ZNF277: variants seen among roughly 807,000 people sequenced by gnomAD.
The protein encoded by ZNF277 is zinc finger protein 277, also known as nuclear receptor-interacting factor 4.
A neutral mutation model predicts 60.7 loss-of-function variants in ZNF277; 55 were observed. That is an observed-to-expected ratio of 0.91 (90% confidence interval 0.73 to 1.13). ZNF277 has a LOEUF of 1.13. ZNF277 is among the 50% of genes most tolerant of loss of function. The probability of loss-of-function intolerance (pLI) is 0.00; values close to 1 mark genes in which losing one functional copy is unlikely to be tolerated. For missense variants in ZNF277, 510 were observed against 523.0 expected (o/e 0.98, Z 0.24); for synonymous variants, 178 against 179.3 (o/e 0.99, Z 0.06).
At chr7:112,265,865 T>G (rs955280761) in intron 1 of ZNF277, among the ~76,000 whole-genome samples, 2 of 152,140 alleles carry the variant, frequency 1.3e-5, no homozygotes, top group Admixed American at 1.3e-4. Context: ...AGTATTACAT[T>G]GGTCACCCAA....
At chr7:112,236,719 C>G (rs570015835) in intron 1 of ZNF277, among the ~76,000 whole-genome samples, 2 of 152,152 alleles carry the variant, frequency 1.3e-5, no homozygotes, top group Non-Finnish European at 2.9e-5. Flanking sequence ...AGAAAGTAAA[C>G]ACAATCTCAT....
At chr7:112,221,332 G>C (rs1822024997) in intron 1 of ZNF277, among the ~76,000 whole-genome samples, 1 of 152,024 alleles carries the variant, frequency 6.6e-6, no homozygotes, top group African/African-American at 2.4e-5. Context: ...CAAGAACCCA[G>C]GTCAGAAAAC....
At chr7:112,232,555 T>C (rs997333817) in intron 1 of ZNF277, among the ~76,000 whole-genome samples, 1 of 152,172 alleles carries the variant, frequency 6.6e-6, no homozygotes, top group African/African-American at 2.4e-5. Context: ...TTGATGATAA[T>C]CTAGGCATTG....
At position 112,324,919 on chromosome 7, in the gene ZNF277, AGAT is replaced by A. The variant is rs147701614; in HGVS notation, c.558-2795_558-2793del. Among the ~76,000 whole-genome samples the A allele has an allele frequency of 2.2e-3, 332 of 152,284 alleles. 3 individuals carry two copies. The highest frequency in any genetic ancestry group is 0.017 in the East Asian group (89 of 5,184). ...AACTTGAATACCTAGGGACAAGAGA[AGAT>A]GAATTTCCCAGCTCAACTATCTGGG... On this transcript the variant is annotated intron_variant, in intron 5 of 11. Coordinates refer to ENST00000361822, the MANE Select transcript of ZNF277 (RefSeq NM_021994.3).
intron 7 of ZNF277, among the ~76,000 whole-genome samples, chr7:112,335,373 C>T (rs768845685): frequency 1.5e-4 from 23 of 152,152 alleles, no homozygotes; most frequent in African/African-American, 4.6e-4. Context: ...GAGGAAGAAA[C>T]GGCCCAAGGG....
intron 5 of ZNF277, among the ~76,000 whole-genome samples, chr7:112,325,485 G>A (rs2117122615): frequency 6.6e-6 from 1 of 152,342 alleles, no homozygotes; most frequent in African/African-American, 2.4e-5. Context: ...AGGGATGGTA[G>A]CAATTAAGTA....
intron 5 of ZNF277, among the ~76,000 whole-genome samples, chr7:112,322,436 CTT>C (rs1190845528): frequency 6.6e-6 from 1 of 151,856 alleles, no homozygotes; most frequent in African/African-American, 2.4e-5. Context: ...CAGCTTAAGT[CTT>C]TTGAGCCCCT....
intron 1 of ZNF277, among the ~76,000 whole-genome samples, chr7:112,252,338 A>G (rs9986983): frequency 0.027 from 4,155 of 152,218 alleles, 176 homozygotes; most frequent in African/African-American, 0.094. Context: ...TGCCTTTGTC[A>G]CCATAGAGCC....
chr7:112,252,458 G>C (rs996310462), intron 1 of ZNF277, among the ~76,000 whole-genome samples: 1 of 152,148 alleles, frequency 6.6e-6, no homozygotes, highest in Non-Finnish European at 1.5e-5. Context: ...TTGAGTCACT[G>C]AGACAGAAAG....
intron 4 of ZNF277, 66 bp downstream of exon 4, chr7:112,296,377 T>A (rs548172974): frequency 1.3e-6 from 1 of 791,680 alleles, no homozygotes; most frequent in South Asian, 2.5e-5. Flanking sequence ...TAAAATCATA[T>A]TGGTTTTTTT....
intron 1 of ZNF277, among the ~76,000 whole-genome samples, chr7:112,215,485 C>T (rs1343453196): frequency 6.6e-6 from 1 of 152,182 alleles, no homozygotes; most frequent in Admixed American, 6.5e-5. Flanking sequence ...TAGCCTTATC[C>T]ATGTGGACAT....
chr7:112,315,367 G>A (rs979834466), intron 4 of ZNF277, among the ~76,000 whole-genome samples: 1 of 152,086 alleles, frequency 6.6e-6, no homozygotes, highest in African/African-American at 2.4e-5. Context: ...CTAATGTAGA[G>A]GAGGTGTAGA....
chr7:112,235,901 GT>G (rs1418120040), intron 1 of ZNF277, among the ~76,000 whole-genome samples: 1 of 151,794 alleles, frequency 6.6e-6, no homozygotes, highest in Non-Finnish European at 1.5e-5. Context: ...GAGTTTTATA[GT>G]TTTGCTCTTA....
intron 1 of ZNF277, among the ~76,000 whole-genome samples, chr7:112,232,533 C>T (rs530176193): frequency 1.3e-5 from 2 of 152,272 alleles, no homozygotes; most frequent in East Asian, 3.9e-4. Flanking sequence ...CAAACAATAA[C>T]ACACATTACA....
intron 2 of ZNF277, 183 bp downstream of exon 2, chr7:112,287,257 T>A (rs1335792100): frequency 5.0e-6 from 3 of 603,146 alleles, no homozygotes; most frequent in African/African-American, 1.9e-5. Flanking sequence ...CACCTGTAGT[T>A]CCAGCTACTT....
At chr7:112,332,462 C>T (rs1309804520) in intron 7 of ZNF277, among the ~76,000 whole-genome samples, 2 of 152,082 alleles carry the variant, frequency 1.3e-5, no homozygotes, top group Non-Finnish European at 2.9e-5. Context: ...AGACTAATAC[C>T]TACATCTTAT....
chr7:112,330,249 T>C (rs1020422654), intron 7 of ZNF277, 33 bp downstream of exon 7: 13 of 1,606,350 alleles, frequency 8.1e-6, no homozygotes, highest in Non-Finnish European at 1.1e-5. Context: ...TAAAATTTGA[T>C]TGCAGTACTG....
At chr7:112,262,451 T>G (rs1212973195) in intron 1 of ZNF277, among the ~76,000 whole-genome samples, 2 of 152,100 alleles carry the variant, frequency 1.3e-5, no homozygotes, top group Non-Finnish European at 2.9e-5. Context: ...AAACAGTATT[T>G]TTAGATTCAA....
chr7:112,247,369 C>T (rs115648465), intron 1 of ZNF277, among the ~76,000 whole-genome samples: 56 of 152,172 alleles, frequency 3.7e-4, no homozygotes, highest in South Asian at 2.1e-4. Context: ...TGATGGAATA[C>T]GGTGCAGCTA....
Sources: gnomAD v4.1 joint callset for allele counts (sites outside exome capture counted in the v4.1 genomes callset) on GRCh38, gnomAD v4.1.1 for gene constraint, MANE v1.5 for transcripts, NCBI Gene and HGNC (gene_info 2026-07-23, HGNC 2026-07-21) for gene names.